The following PRDM16 variants were observed in gnomAD, a reference collection of about 807,000 sequenced individuals.
PRDM16 encodes histone-lysine N-methyltransferase PRDM16.
PRDM16 carries 23 observed loss-of-function variants against 110.6 expected under a neutral mutation model. The ratio of observed to expected loss-of-function variants is 0.21; its 90% confidence interval spans 0.15 to 0.29. The LOEUF (loss-of-function observed/expected upper bound fraction) is 0.29. Ranked by LOEUF, PRDM16 falls within the 10% of genes least tolerant of loss-of-function variation. PRDM16 has a pLI of 1.00. For synonymous variants in PRDM16, 799 were observed against 781.8 expected (o/e 1.02, Z -0.37); for missense variants, 1,615 against 1,794.3 (o/e 0.90, Z 1.81).
chr1:3,309,553 TA>T (rs1440514825), intron 3 of PRDM16: 4 of 152,282 alleles, frequency 2.6e-5, no homozygotes, highest in Admixed American at 2.6e-4. Flanking sequence ...TTCTCATCTG[TA>T]AAACACCAGA....
intron 12 of PRDM16, among the ~76,000 whole-genome samples, chr1:3,423,968 G>A (rs541017544): frequency 6.6e-6 from 1 of 152,354 alleles, no homozygotes; most frequent in South Asian, 2.1e-4. Context: ...ATGACCAAGA[G>A]CACACACAAG....
chr1:3,166,719 C>A (rs942910567), intron 1 of PRDM16, among the ~76,000 whole-genome samples: 3 of 152,162 alleles, frequency 2.0e-5, no homozygotes, highest in African/African-American at 7.2e-5. Context: ...AACCACAGCG[C>A]GGCCTGGGGC....
chr1:3,140,389 C>T (rs1234348096), intron 1 of PRDM16, among the ~76,000 whole-genome samples: 1 of 152,146 alleles, frequency 6.6e-6, no homozygotes, highest in Non-Finnish European at 1.5e-5. Context: ...AGGATGAGCG[C>T]AGAGGCCTTG....
intron 2 of PRDM16, among the ~76,000 whole-genome samples, chr1:3,188,707 C>T (rs1344632656): frequency 6.6e-6 from 1 of 152,206 alleles, no homozygotes; most frequent in Non-Finnish European, 1.5e-5. Context: ...GGCTTTGGGA[C>T]CACCTTTGAG....
At chr1:3,378,863 C>G (rs1216406050) in intron 3 of PRDM16, among the ~76,000 whole-genome samples, 1 of 152,034 alleles carries the variant, frequency 6.6e-6, no homozygotes, top group Non-Finnish European at 1.5e-5. Context: ...AAAGCAGTGG[C>G]TTCTGAAGTT....
At chr1:3,219,656 T>A (rs892742608) in intron 2 of PRDM16, among the ~76,000 whole-genome samples, 1 of 152,164 alleles carries the variant, frequency 6.6e-6, no homozygotes, top group Non-Finnish European at 1.5e-5. Context: ...CTCGGGAGAT[T>A]CTGTGCAGAT....
chr1:3,303,020 A>C (rs1246918803), intron 3 of PRDM16, among the ~76,000 whole-genome samples: 1 of 152,188 alleles, frequency 6.6e-6, no homozygotes, highest in Non-Finnish European at 1.5e-5. Context: ...AATATATATC[A>C]GTTTTATTGA....
chr1:3,082,794 C>T (rs540524590), intron 1 of PRDM16, among the ~76,000 whole-genome samples: 3 of 152,322 alleles, frequency 2.0e-5, no homozygotes, highest in South Asian at 2.1e-4. Context: ...CGGAGTCCAC[C>T]GAGGGGGCCT....
intron 1 of PRDM16, among the ~76,000 whole-genome samples, chr1:3,105,084 C>G (rs1353805174): frequency 1.3e-5 from 2 of 152,128 alleles, no homozygotes; most frequent in African/African-American, 2.4e-5. Context: ...CTGGAAGAAG[C>G]TGTCAGGAGT....
At chr1:3,088,909 A>T (rs1204719450) in intron 1 of PRDM16, among the ~76,000 whole-genome samples, 3 of 151,924 alleles carry the variant, frequency 2.0e-5, no homozygotes, top group Admixed American at 2.0e-4. Flanking sequence ...CAGCCTCCTG[A>T]GTAGCTGGGG....
At chr1:3,404,219 A>G (rs1250982638) in intron 6 of PRDM16, among the ~76,000 whole-genome samples, 1 of 152,132 alleles carries the variant, frequency 6.6e-6, no homozygotes, top group Non-Finnish European at 1.5e-5. Context: ...CCTTCATCCA[A>G]GTGCAGCGGC....
chr1:3,304,874 G>T (rs56357655), intron 3 of PRDM16, among the ~76,000 whole-genome samples: 4,839 of 152,182 alleles, frequency 0.032, 101 homozygotes, highest in Middle Eastern at 0.071. Context: ...CAAGGAGGTG[G>T]CCTCCCAGGT....
At chr1:3,171,835 C>A (rs1644028700) in intron 1 of PRDM16, among the ~76,000 whole-genome samples, 1 of 152,148 alleles carries the variant, frequency 6.6e-6, no homozygotes, top group South Asian at 2.1e-4. Flanking sequence ...GCCACCCGGG[C>A]CCTCCACCAG....
At position 3,213,107 on chromosome 1, in the gene PRDM16, A is replaced by G. The variant is rs1300161155; in HGVS notation, c.387+26633A>G. 6.6e-6 allele frequency among the ~76,000 whole-genome samples: 1 copy of G among 152,192 alleles called. No individual in the cohort carries two copies. Among genetic ancestry groups the G allele is most frequent in the African/African-American group, 2.4e-5 (1 of 41,444 alleles). ...GGCCGAGCTCAGGAAGACGCGGCAA[A>G]TCCCATCCTATGTGCTTGCAGCAAC... On this transcript the variant is annotated intron_variant, in intron 2 of 16. Transcript: ENST00000270722. This position sits in a 1 kb window ranked among gnomAD's most constrained non-coding sequence, Gnocchi z 5.3.
chr1:3,310,378 C>T (rs1047388806), intron 3 of PRDM16, among the ~76,000 whole-genome samples: 2 of 152,182 alleles, frequency 1.3e-5, no homozygotes, highest in African/African-American at 4.8e-5. Flanking sequence ...CCCTGAAGCG[C>T]CCTCCCTCTG....
intron 3 of PRDM16, among the ~76,000 whole-genome samples, chr1:3,266,624 C>T (rs1043603270): frequency 6.6e-6 from 1 of 152,244 alleles, no homozygotes; most frequent in South Asian, 2.1e-4. Flanking sequence ...CCTGCACCCT[C>T]CGCCGCTCCC....
At chr1:3,270,434 GAGGAGCACAGTCCAGA>G (rs1640418300) in intron 3 of PRDM16, among the ~76,000 whole-genome samples, 1 of 147,692 alleles carries the variant, frequency 6.8e-6, no homozygotes, top group Non-Finnish European at 1.5e-5. Flanking sequence ...GACAGTCCCA[GAGGAGCACAGTCCAGA>G]AGGAGGACAG....
chr1:3,195,331 C>T (rs777656190), intron 2 of PRDM16, among the ~76,000 whole-genome samples: 7 of 152,084 alleles, frequency 4.6e-5, no homozygotes, highest in African/African-American at 7.2e-5. Context: ...ATCTTCGGCC[C>T]GGCTCGGAGG....
rs1213276869 is a variant in PRDM16 at position 3,339,557 on chromosome 1, G to T, written c.439-45595G>T. Among the ~76,000 whole-genome samples the T allele has an allele frequency of 6.6e-6, 1 of 152,148 alleles. No individual in the cohort carries two copies. Among genetic ancestry groups the T allele is most frequent in the Non-Finnish European group, 1.5e-5 (1 of 68,014 alleles). Reference sequence around the variant, plus strand: ...TTGCCCACCGAGCGATTCAGGCAGTGAGGTGGGAAGGAGCGTGGGAGGAGG... The same window carrying T: ...TTGCCCACCGAGCGATTCAGGCAGTTAGGTGGGAAGGAGCGTGGGAGGAGG... On this transcript the variant is annotated intron_variant, in intron 3 of 16. Coordinates refer to ENST00000270722, the MANE Select transcript of PRDM16 (RefSeq NM_022114.4). This position sits in a 1 kb window ranked among gnomAD's most constrained non-coding sequence, Gnocchi z 5.0.
Sources: allele counts gnomAD v4.1 joint callset (sites outside exome capture counted in the v4.1 genomes callset), GRCh38; gene constraint gnomAD v4.1.1; non-coding constraint Gnocchi (gnomAD v3.1); transcripts MANE v1.5; gene names NCBI Gene and HGNC (gene_info 2026-07-23, HGNC 2026-07-21).